Variants in PPP3CA observed in about 807,000 individuals in gnomAD.
PPP3CA encodes protein phosphatase 3 catalytic subunit alpha.
In PPP3CA, 14 loss-of-function variants were observed where a neutral mutation model predicts 66.5. That is an observed-to-expected ratio of 0.21 (90% CI 0.14 to 0.33). The LOEUF (loss-of-function observed/expected upper bound fraction) is 0.33, where lower values mean the gene tolerates loss of function less well. PPP3CA is among the 10% of genes least tolerant of loss of function. The pLI, the probability that PPP3CA is intolerant of heterozygous loss-of-function variation, is 1.00. For missense variants in PPP3CA, 317 were observed against 639.5 expected (o/e 0.50, Z 5.44); for synonymous variants, 232 against 226.2 (o/e 1.03, Z -0.23).
At position 101,166,998 on chromosome 4, in the gene PPP3CA, A is replaced by C. The variant is rs572731424; in HGVS notation, c.259+28918T>G. On this transcript the variant is annotated intron_variant, in intron 2 of 13. Coordinates refer to ENST00000394854, the MANE Select transcript of PPP3CA (RefSeq NM_000944.5). ...TGTCCCTCCTTTAATTATACGTGCA[A>C]TTTAGCATTTTGATCTGAATTCAGA... Among the ~76,000 whole-genome samples the C allele has an allele frequency of 7.9e-5, 12 of 152,292 alleles. No homozygotes were observed. In the South Asian group the frequency reaches 2.3e-3, roughly 29 times the overall value.
intron 2 of PPP3CA, among the ~76,000 whole-genome samples, chr4:101,161,054 G>A (rs1440596550): frequency 1.3e-5 from 2 of 152,026 alleles, no homozygotes; most frequent in East Asian, 3.8e-4. Context: ...TTTTTACTGT[G>A]TCTTTTCTAT....
At chr4:101,218,259 G>A (rs890995259) in intron 1 of PPP3CA, among the ~76,000 whole-genome samples, 1 of 151,832 alleles carries the variant, frequency 6.6e-6, no homozygotes, top group Non-Finnish European at 1.5e-5. Context: ...AATGGAAGAG[G>A]GAATAATGCC....
chr4:101,098,241 T>A (rs1730286539), intron 5 of PPP3CA, 126 bp downstream of exon 5: 2 of 1,086,410 alleles, frequency 1.8e-6, no homozygotes, highest in Non-Finnish European at 2.5e-6. Flanking sequence ...AAGGAGCGAT[T>A]CATGACCACT....
intron 1 of PPP3CA, among the ~76,000 whole-genome samples, chr4:101,260,148 G>C (rs570332678): frequency 6.6e-6 from 1 of 152,130 alleles, no homozygotes; most frequent in South Asian, 2.1e-4. Flanking sequence ...GGGGCAAATC[G>C]TATCAACGAC....
chr4:101,182,444 T>C (rs1724267364), intron 2 of PPP3CA, among the ~76,000 whole-genome samples: 1 of 152,138 alleles, frequency 6.6e-6, no homozygotes, highest in South Asian at 2.1e-4. Flanking sequence ...TCTTGAGCAT[T>C]GTACAGAGTT....
intron 2 of PPP3CA, among the ~76,000 whole-genome samples, chr4:101,172,825 C>A (rs1027857072): frequency 6.6e-6 from 1 of 152,060 alleles, no homozygotes; most frequent in Non-Finnish European, 1.5e-5. Context: ...TTTCTAAAAC[C>A]CACGTCCTCA....
At chr4:101,158,776 T>C (rs1323492933) in intron 2 of PPP3CA, among the ~76,000 whole-genome samples, 2 of 152,186 alleles carry the variant, frequency 1.3e-5, no homozygotes, top group Non-Finnish European at 2.9e-5. Context: ...TTACCAAACA[T>C]AGTAAAAGCT....
intron 2 of PPP3CA, among the ~76,000 whole-genome samples, chr4:101,111,804 C>T (rs546995157): frequency 4.3e-4 from 65 of 152,204 alleles, no homozygotes; most frequent in African/African-American, 1.4e-3. Context: ...TCGTAACAAG[C>T]TTAGAAGAGT....
At chr4:101,179,845 T>C (rs1724179959) in intron 2 of PPP3CA, among the ~76,000 whole-genome samples, 1 of 152,180 alleles carries the variant, frequency 6.6e-6, no homozygotes, top group South Asian at 2.1e-4. Flanking sequence ...CACTCCACCA[T>C]CACTGTCCTA....
In PPP3CA at chr4:101,023,661, T is replaced by G. The variant is rs977950072; in HGVS notation, c.*2204A>C. On this transcript the variant is annotated 3_prime_UTR_variant, in exon 14 of 14. Transcript: ENST00000394854. The stretch of plus-strand genomic sequence containing the variant: ...CCACTTTTTTTAGGATGGAGAAATA[T>G]CCACAGGAAAAAATGTCTGAATTCA... 1.3e-5 allele frequency: 2 copies of G among 152,612 alleles called. No individual in the cohort carries two copies. Among genetic ancestry groups the G allele is most frequent in the Admixed American group, 6.5e-5 (1 of 15,276 alleles). The allele number at this position is 152,612 out of a possible 1,614,324, so 9.5% of individuals were successfully genotyped here.
intron 2 of PPP3CA, among the ~76,000 whole-genome samples, chr4:101,118,073 G>C (rs1721900329): frequency 1.3e-5 from 2 of 152,168 alleles, no homozygotes; most frequent in African/African-American, 4.8e-5. Flanking sequence ...GTGTTCGGCT[G>C]TCTTAGTGTT....
At chr4:101,167,224 C>G (rs1723720739) in intron 2 of PPP3CA, among the ~76,000 whole-genome samples, 1 of 152,074 alleles carries the variant, frequency 6.6e-6, no homozygotes, top group Non-Finnish European at 1.5e-5. Context: ...GATGATGATT[C>G]CTGACATCAC....
chr4:101,112,183 C>G (rs1347286426), intron 2 of PPP3CA, among the ~76,000 whole-genome samples: 1 of 151,398 alleles, frequency 6.6e-6, no homozygotes, highest in Non-Finnish European at 1.5e-5. Flanking sequence ...AATCTGGCAG[C>G]CAGAATGAAA....
At chr4:101,093,553 C>T (rs190803923) in intron 6 of PPP3CA, among the ~76,000 whole-genome samples, 1 of 152,086 alleles carries the variant, frequency 6.6e-6, no homozygotes, top group African/African-American at 2.4e-5. Flanking sequence ...TAGAATCAAA[C>T]CCTTAACATC....
At position 101,346,913 on chromosome 4, in the gene PPP3CA, C is replaced by T. The variant is rs1272187011; in HGVS notation, c.-117G>A. 9.9e-6 allele frequency: 11 copies of T among 1,108,778 alleles called. No individual in the cohort carries two copies. The highest frequency in any genetic ancestry group is 1.6e-5 in the African/African-American group (1 of 60,920). The allele number at this position is 1,108,778 out of a possible 1,614,324, so 68.7% of individuals were successfully genotyped here. On this transcript the variant is annotated 5_prime_UTR_variant, in exon 1 of 14. Transcript: ENST00000394854. ...GCCGCCGCCGCCGCCGCGCTGCAAA[C>T]CGCTCGGCTGGAGGTCTAGGCTCTG...
chr4:101,291,817 G>C (rs1422549662), intron 1 of PPP3CA, among the ~76,000 whole-genome samples: 1 of 152,110 alleles, frequency 6.6e-6, no homozygotes, highest in Admixed American at 6.5e-5. Context: ...AGGCTTGACA[G>C]TGGTATCAAC....
intron 1 of PPP3CA, among the ~76,000 whole-genome samples, chr4:101,270,389 T>G (rs1727300895): frequency 6.6e-6 from 1 of 152,142 alleles, no homozygotes; most frequent in South Asian, 2.1e-4. Context: ...CAAACTAAGC[T>G]TTCTTCCACC....
chr4:101,244,994 T>C (rs1481860055), intron 1 of PPP3CA, among the ~76,000 whole-genome samples: 1 of 152,166 alleles, frequency 6.6e-6, no homozygotes, highest in Non-Finnish European at 1.5e-5. Flanking sequence ...GCCTATGAAA[T>C]TGGGCTATCA....
chr4:101,100,216 G>A (rs1730380659), intron 3 of PPP3CA, among the ~76,000 whole-genome samples: 1 of 152,026 alleles, frequency 6.6e-6, no homozygotes, highest in African/African-American at 2.4e-5. Context: ...CAAGATGTTG[G>A]GAGAGAAGAA....
Sources: allele counts gnomAD v4.1 joint callset (sites outside exome capture counted in the v4.1 genomes callset), GRCh38; gene constraint gnomAD v4.1.1; transcripts MANE v1.5; gene names NCBI Gene and HGNC (gene_info 2026-07-23, HGNC 2026-07-21).